Variants in PLEKHA7 observed in about 807,000 individuals in gnomAD.
PLEKHA7 encodes the protein pleckstrin homology domain containing A7, also known as pleckstrin homology domain-containing family A member 7.
Under a neutral mutation model 170.0 loss-of-function variants are expected in PLEKHA7, and 104 were observed. That is an observed-to-expected ratio of 0.61 (90% CI 0.52 to 0.72). The LOEUF (loss-of-function observed/expected upper bound fraction) is 0.72, where lower values mean the gene tolerates loss of function less well. Ranked by LOEUF, PLEKHA7 falls within the 30% of genes least tolerant of loss-of-function variation. The probability of loss-of-function intolerance (pLI) is 0.00; values close to 1 mark genes in which losing one functional copy is unlikely to be tolerated. For synonymous variants in PLEKHA7, 648 were observed against 660.8 expected (o/e 0.98, Z 0.30); for missense variants, 1,615 against 1,671.7 (o/e 0.97, Z 0.59).
intron 7 of PLEKHA7, 127 bp downstream of exon 7, chr11:16,852,156 G>A: frequency 1.3e-6 from 1 of 763,264 alleles, no homozygotes; most frequent in Non-Finnish European, 2.1e-6. Context: ...AGGCAAACTG[G>A]ATTCTATTTA....
chr11:16,899,076 C>A (rs1857165820), intron 3 of PLEKHA7, among the ~76,000 whole-genome samples: 1 of 152,172 alleles, frequency 6.6e-6, no homozygotes, highest in African/African-American at 2.4e-5. Flanking sequence ...GCAAACGGAT[C>A]TTAAAATCTA....
intron 10 of PLEKHA7, among the ~76,000 whole-genome samples, chr11:16,825,063 T>G (rs1850531758): frequency 6.6e-6 from 1 of 152,224 alleles, no homozygotes; most frequent in African/African-American, 2.4e-5. Context: ...TCTAGTCTGC[T>G]CCACAACAAT....
chr11:16,992,347 T>A (rs888605943), intron 3 of PLEKHA7, among the ~76,000 whole-genome samples: 1 of 152,210 alleles, frequency 6.6e-6, no homozygotes, highest in Admixed American at 6.5e-5. Context: ...TGATATGGGT[T>A]CAAGCCCTGG....
chr11:16,865,494 C>G (rs1455925829), intron 4 of PLEKHA7, among the ~76,000 whole-genome samples: 1 of 152,162 alleles, frequency 6.6e-6, no homozygotes, highest in Non-Finnish European at 1.5e-5. Context: ...GAGGCTGAGG[C>G]AGATGGACTG....
chr11:16,782,782 C>T lies in PLEKHA7; in HGVS notation c.3765G>A (p.Glu1255=). ...IINISYALAS[E]ASQRSKQVAA... is the part of the protein sequence containing the mutation. ...CCACCTGCTTGCTACGCTGGGAGGC[C>T]TCGGAGGCCAGGGCGTAGGAGATGT... Residue 1255 remains glutamate, a synonymous_variant, in exon 26 of 27, where the codon GAG becomes GAA. Transcript: ENST00000531066. 6.5e-7 allele frequency: 1 copy of T among 1,536,160 alleles called. No individual in the cohort carries two copies. The highest frequency in any genetic ancestry group is 1.7e-4 in the Middle Eastern group (1 of 5,980).
At chr11:16,822,070 TC>T (rs956815532) in intron 10 of PLEKHA7, among the ~76,000 whole-genome samples, 2 of 152,076 alleles carry the variant, frequency 1.3e-5, no homozygotes, top group Non-Finnish European at 2.9e-5. Flanking sequence ...TAACTTCTCA[TC>T]CTTTAGGTCT....
intron 26 of PLEKHA7, among the ~76,000 whole-genome samples, chr11:16,782,148 T>G (rs892147581): frequency 2.7e-5 from 4 of 146,164 alleles, no homozygotes; most frequent in Non-Finnish European, 6.0e-5. Flanking sequence ...TAGACACACA[T>G]TGAGACACAC....
At chr11:16,923,783 C>T (rs1222369738) in intron 3 of PLEKHA7, among the ~76,000 whole-genome samples, 1 of 152,166 alleles carries the variant, frequency 6.6e-6, no homozygotes, top group Non-Finnish European at 1.5e-5. Context: ...TACATAAACT[C>T]AGCCGCCTCT....
intron 3 of PLEKHA7, among the ~76,000 whole-genome samples, chr11:16,951,777 A>G (rs1182125324): frequency 6.6e-6 from 1 of 152,248 alleles, no homozygotes; most frequent in Non-Finnish European, 1.5e-5. Context: ...TTTTAAAGAA[A>G]GGAAGAATAA....
intron 26 of PLEKHA7, among the ~76,000 whole-genome samples, 159 bp from the exon 27 acceptor site, chr11:16,779,179 CA>C (rs1848838720): frequency 6.6e-6 from 1 of 152,176 alleles, no homozygotes; most frequent in South Asian, 2.1e-4. Flanking sequence ...TTCCAGGACA[CA>C]TGGGGCTCTT....
chr11:16,838,693 CTTTTTTTTT>C (rs869209891), intron 9 of PLEKHA7, among the ~76,000 whole-genome samples: 4 of 107,870 alleles, frequency 3.7e-5, no homozygotes, highest in South Asian at 3.1e-4. Flanking sequence ...ACACAGTTTT[CTTTTTTTTT>C]TTTTTTTTTT....
chr11:17,011,543 C>T (rs942040148), intron 3 of PLEKHA7, among the ~76,000 whole-genome samples: 1 of 152,168 alleles, frequency 6.6e-6, no homozygotes, highest in African/African-American at 2.4e-5. Context: ...CTACTCCAGT[C>T]AGATTTTGTC....
At chr11:16,786,074 A>C (rs1849372652) in intron 24 of PLEKHA7, among the ~76,000 whole-genome samples, 155 bp downstream of exon 24, 1 of 152,120 alleles carries the variant, frequency 6.6e-6, no homozygotes, top group Non-Finnish European at 1.5e-5. Flanking sequence ...GCCTCCTTTC[A>C]TTGCCTTAAG....
rs71047521 is a variant in PLEKHA7, at chr11:17,013,946, C to CT, written c.221+42_221+43insA. 2.0e-6 allele frequency: 3 copies of CT among 1,501,392 alleles called. No individual in the cohort carries two copies. In the African/African-American group the frequency reaches 4.4e-5, roughly 22 times the overall value. 93.0% of individuals were successfully genotyped at this position (1,501,392 alleles called of 1,614,324 possible). ...CCGGCGGGAACGGGGAGGGACCCCC[C>CT]CCCCGCGGCACAGGTGCGAGCGCGG... On this transcript the variant is annotated intron_variant, in intron 3 of 26. Transcript: ENST00000531066.
At chr11:16,963,814 T>C (rs1168868662) in intron 3 of PLEKHA7, among the ~76,000 whole-genome samples, 2 of 152,192 alleles carry the variant, frequency 1.3e-5, no homozygotes, top group African/African-American at 4.8e-5. Context: ...ACTACCTGTT[T>C]CTCCAACCCT....
intron 3 of PLEKHA7, among the ~76,000 whole-genome samples, chr11:16,880,611 C>A (rs145028383): frequency 4.1e-4 from 62 of 152,302 alleles, no homozygotes; most frequent in African/African-American, 1.3e-3. Flanking sequence ...CAGCACCCAG[C>A]CTCCTGTTTA....
chr11:16,941,526 G>C (rs1490071826), intron 3 of PLEKHA7, among the ~76,000 whole-genome samples: 1 of 152,190 alleles, frequency 6.6e-6, no homozygotes, highest in Non-Finnish European at 1.5e-5. Context: ...AGAATTTCTA[G>C]AACTAGAAGC....
intron 3 of PLEKHA7, among the ~76,000 whole-genome samples, chr11:16,955,222 T>C (rs1352412573): frequency 3.9e-5 from 6 of 152,222 alleles, no homozygotes; most frequent in Non-Finnish European, 8.8e-5. Context: ...ACTTGCTGAA[T>C]GAATGAATGG....
At chr11:16,943,279 A>G (rs1860809943) in intron 3 of PLEKHA7, among the ~76,000 whole-genome samples, 1 of 152,138 alleles carries the variant, frequency 6.6e-6, no homozygotes, top group African/African-American at 2.4e-5. Flanking sequence ...TCTAGTATTA[A>G]ATCTCTGAAC....
Sources: gnomAD v4.1 joint callset for allele counts (sites outside exome capture counted in the v4.1 genomes callset) on GRCh38, gnomAD v4.1.1 for gene constraint, MANE v1.5 for transcripts, NCBI Gene and HGNC (gene_info 2026-07-23, HGNC 2026-07-21) for gene names.